ZFY: variants seen among roughly 807,000 people sequenced by gnomAD.
ZFY encodes zinc finger Y-chromosomal protein.
For missense variants in ZFY, 113 were observed against 170.9 expected, an observed-to-expected ratio of 0.66 and a Z score of 1.89; for synonymous variants, 47 against 55.8, an observed-to-expected ratio of 0.84 and a Z score of 0.71.
At chrY:2,960,742 C>T in intron 2 of ZFY, among the ~76,000 whole-genome samples, 3 of 32,951 alleles carry the variant, frequency 9.1e-5, no homozygotes, top group Non-Finnish European at 2.3e-4. Context: ...AATTTTTTAT[C>T]TTGATGTTTT....
intron 1 of ZFY, among the ~76,000 whole-genome samples, chrY:2,947,840 A>G: frequency 2.9e-5 from 1 of 33,995 alleles, no homozygotes; most frequent in Non-Finnish European, 7.3e-5. Flanking sequence ...CATACAAGGT[A>G]GACATTTAAA....
At chrY:2,941,860 T>A in intron 1 of ZFY, among the ~76,000 whole-genome samples, 1 of 31,990 alleles carries the variant, frequency 3.1e-5, no homozygotes, top group African/African-American at 1.2e-4. Flanking sequence ...AATACCCAGT[T>A]GTTTTAATTT....
intron 3 of ZFY, among the ~76,000 whole-genome samples, chrY:2,963,757 A>G: frequency 3.0e-5 from 1 of 33,299 alleles, no homozygotes; most frequent in African/African-American, 1.2e-4. Context: ...TCTAGTGGCT[A>G]TTAGAGCAGA....
At chrY:2,935,840 G>T (rs972565258) in intron 1 of ZFY, 71 bp downstream of exon 1, 9 of 34,453 alleles carry the variant, frequency 2.6e-4, no homozygotes, top group African/African-American at 1.0e-3. Context: ...GGGACGGGGG[G>T]GCAAGATGGC....
intron 1 of ZFY, among the ~76,000 whole-genome samples, chrY:2,940,668 A>G: frequency 6.0e-5 from 2 of 33,334 alleles, no homozygotes; most frequent in African/African-American, 1.2e-4. Flanking sequence ...AAGGTATCTT[A>G]TAGTATGTGT....
intron 3 of ZFY, among the ~76,000 whole-genome samples, chrY:2,969,915 T>C: frequency 3.0e-5 from 1 of 33,626 alleles, no homozygotes. Flanking sequence ...TTTAAACTTG[T>C]ATTTGTCCTT....
At chrY:2,973,379 T>TA (rs2051354708) in intron 3 of ZFY, among the ~76,000 whole-genome samples, 1 of 33,720 alleles carries the variant, frequency 3.0e-5, no homozygotes, top group Non-Finnish European at 7.3e-5. Flanking sequence ...TTTGCACCTC[T>TA]AATACTTGCC....
intron 2 of ZFY, among the ~76,000 whole-genome samples, chrY:2,955,280 G>C: frequency 3.2e-5 from 1 of 31,288 alleles, no homozygotes; most frequent in Non-Finnish European, 7.7e-5. Context: ...AAAGTTCCCA[G>C]TCCAAAAAAA....
chrY:2,961,771 T>C, intron 3 of ZFY, 125 bp downstream of exon 3: 1 of 183,881 alleles, frequency 5.4e-6, no homozygotes, highest in South Asian at 4.6e-5. Flanking sequence ...TAAACCTACA[T>C]GCATTGTTGC....
chrY:2,935,551 C>A lies in ZFY; in HGVS notation c.-247C>A, dbSNP rs2051211920. The A allele has an allele frequency of 5.7e-5, 2 of 35,219 alleles. No homozygotes were observed. The highest frequency in any genetic ancestry group is 2.2e-4 in the African/African-American group (2 of 9,091). The allele number at this position is 35,219 out of a possible 400,897, so 8.8% of individuals were successfully genotyped here. On this transcript the variant is annotated 5_prime_UTR_variant, in exon 1 of 8. Transcript: ENST00000155093. Reference sequence around the variant, plus strand: ...GGGCGCCCTCCCGCGCTAGGCCGGCCGGCGTGGCGCTCGGCGCCGAACAGG... The same window carrying A: ...GGGCGCCCTCCCGCGCTAGGCCGGCAGGCGTGGCGCTCGGCGCCGAACAGG...
chrY:2,942,732 C>T, intron 1 of ZFY, among the ~76,000 whole-genome samples: 1 of 31,636 alleles, frequency 3.2e-5, no homozygotes. Flanking sequence ...AGCTGTGCCA[C>T]ATTTTCTTTC....
chrY:2,977,042 G>A (rs2051375802), intron 6 of ZFY, among the ~76,000 whole-genome samples: 1 of 27,609 alleles, frequency 3.6e-5, no homozygotes, highest in Non-Finnish European at 8.5e-5. Flanking sequence ...TTAGCCAGAC[G>A]TGGTGGCAGG....
Position 2,961,182 on chromosome Y carries a change from C to T in ZFY, c.170C>T (p.Pro57Leu). The change falls in exon 3 of 8, where the codon CCT becomes CTT. Residue 57 changes from proline to leucine, a missense_variant. Physicochemically the swap from Pro to Leu is moderately conservative, Grantham distance 98. Transcript: ENST00000155093. ...GACATAACTGTGCATAACTTTGTTC[C>T]TGATGACCCAGACTCAGTTGTAATC... ...DSDITVHNFVPDDPDSVVIQD... is the reference protein window; with the variant it reads ...DSDITVHNFVLDDPDSVVIQD... 2.5e-6 allele frequency: 1 copy of T among 398,513 alleles called. No individual in the cohort carries two copies. Among genetic ancestry groups the T allele is most frequent in the East Asian group, 9.2e-5 (1 of 10,859 alleles).
chrY:2,962,016 T>G, intron 3 of ZFY, among the ~76,000 whole-genome samples: 1 of 33,013 alleles, frequency 3.0e-5, no homozygotes, highest in African/African-American at 1.2e-4. Flanking sequence ...CACTTTCCCC[T>G]TTTTTTCTAC....
At chrY:2,938,088 C>T in intron 1 of ZFY, among the ~76,000 whole-genome samples, 1 of 25,595 alleles carries the variant, frequency 3.9e-5, no homozygotes, top group Non-Finnish European at 9.0e-5. Flanking sequence ...CCCGGGTTCA[C>T]GCCTTTCTCC....
At chrY:2,943,966 T>G in intron 1 of ZFY, among the ~76,000 whole-genome samples, 1 of 33,660 alleles carries the variant, frequency 3.0e-5, no homozygotes, top group Non-Finnish European at 7.4e-5. Context: ...CAAATAAATT[T>G]TATCAATACC....
At chrY:2,946,382 G>A in intron 1 of ZFY, among the ~76,000 whole-genome samples, 1 of 33,415 alleles carries the variant, frequency 3.0e-5, no homozygotes, top group South Asian at 6.3e-4. Context: ...TTTCATATGA[G>A]TTCCCATCTC....
At chrY:2,946,389 T>A in intron 1 of ZFY, among the ~76,000 whole-genome samples, 1 of 33,817 alleles carries the variant, frequency 3.0e-5, no homozygotes, top group Non-Finnish European at 7.3e-5. Context: ...TGAGTTCCCA[T>A]CTCTTTTCTG....
chrY:2,945,691 G>T (rs779668922), intron 1 of ZFY, among the ~76,000 whole-genome samples: 7 of 33,053 alleles, frequency 2.1e-4, no homozygotes, highest in African/African-American at 8.3e-4. Context: ...GGCCAGGCTG[G>T]TCTCTAACGC....
Sources: gnomAD v4.1 joint callset for allele counts (sites outside exome capture counted in the v4.1 genomes callset) on GRCh38, gnomAD v4.1.1 for gene constraint, MANE v1.5 for transcripts, NCBI Gene and HGNC (gene_info 2026-07-23, HGNC 2026-07-21) for gene names.